The following ZNF536 variants were observed in gnomAD, a reference collection of about 807,000 sequenced individuals.
ZNF536 encodes the protein zinc finger protein 536.
ZNF536 carries 13 observed loss-of-function variants against 84.5 expected under a neutral mutation model. The observed-to-expected ratio is 0.15, with a 90% CI of 0.10 to 0.24. The LOEUF is 0.24. Among genes scored for constraint, ZNF536 ranks in the 10% least tolerant of loss-of-function variants. ZNF536 has a pLI of 1.00. For missense variants in ZNF536, 1,536 were observed against 1,747.5 expected, an observed-to-expected ratio of 0.88 and a Z score of 2.16; for synonymous variants, 811 against 742.5, an observed-to-expected ratio of 1.09 and a Z score of -1.50.
intron 1 of ZNF536, among the ~76,000 whole-genome samples, chr19:30,652,428 T>C (rs2049742835): frequency 6.6e-6 from 1 of 152,154 alleles, no homozygotes; most frequent in Non-Finnish European, 1.5e-5. Flanking sequence ...CTAAATGTCG[T>C]GAATGGAAGG....
chr19:30,654,409 AC>A (rs2049826567), intron 1 of ZNF536, among the ~76,000 whole-genome samples: 1 of 94,982 alleles, frequency 1.1e-5, no homozygotes, highest in South Asian at 3.3e-4. Context: ...ACCCCTCACC[AC>A]CCCCCTTATT....
intron 1 of ZNF536, among the ~76,000 whole-genome samples, chr19:30,229,698 C>T (rs756568842): frequency 2.6e-5 from 4 of 152,196 alleles, no homozygotes; most frequent in African/African-American, 9.6e-5. Flanking sequence ...ATTCTGATAG[C>T]GGAGTGCAAA....
intron 1 of ZNF536, among the ~76,000 whole-genome samples, chr19:30,414,883 G>T (rs1001763587): frequency 1.3e-5 from 2 of 152,002 alleles, no homozygotes; most frequent in Admixed American, 6.6e-5. Flanking sequence ...TAGAATTCTA[G>T]GTTTAAAATA....
At chr19:30,339,032 T>C (rs1330278237) in intron 2 of ZNF536, among the ~76,000 whole-genome samples, 1 of 152,122 alleles carries the variant, frequency 6.6e-6, no homozygotes. Context: ...TCCCCCGGGC[T>C]GTAAAGTTCC....
intron 1 of ZNF536, among the ~76,000 whole-genome samples, chr19:30,602,944 A>G (rs1359983971): frequency 2.6e-5 from 4 of 152,214 alleles, no homozygotes; most frequent in Non-Finnish European, 5.9e-5. Context: ...AGACTTCGGT[A>G]CCCATCCCCC....
chr19:30,443,063 C>G (rs1282849287), intron 1 of ZNF536, among the ~76,000 whole-genome samples: 1 of 141,006 alleles, frequency 7.1e-6, no homozygotes, highest in African/African-American at 2.6e-5. Context: ...TTTTTTTGGC[C>G]AAATCATAAA....
chr19:30,590,209 T>C (rs1298311605), intron 1 of ZNF536, among the ~76,000 whole-genome samples: 5 of 152,174 alleles, frequency 3.3e-5, no homozygotes, highest in African/African-American at 1.2e-4. Flanking sequence ...AGTGGAGGGA[T>C]ACTTGGTGGG....
intron 2 of ZNF536, among the ~76,000 whole-genome samples, chr19:30,349,005 C>T (rs934640605): frequency 2.0e-5 from 3 of 152,094 alleles, no homozygotes; most frequent in Non-Finnish European, 4.4e-5. Context: ...AAGAATGACA[C>T]AAAGGGAAGG....
intron 2 of ZNF536, among the ~76,000 whole-genome samples, chr19:30,449,897 G>A (rs918469308): frequency 1.3e-5 from 2 of 152,112 alleles, no homozygotes; most frequent in Admixed American, 1.3e-4. Flanking sequence ...TACATGGGGT[G>A]TATAGTGATA....
At chr19:30,516,625 C>T (rs556308646) in intron 2 of ZNF536, among the ~76,000 whole-genome samples, 342 of 152,288 alleles carry the variant, frequency 2.2e-3, no homozygotes, top group African/African-American at 7.7e-3. Context: ...GCCAGCCCTT[C>T]GCTCGGCTCT....
At chr19:30,659,005 T>C (rs2050020054) in intron 1 of ZNF536, among the ~76,000 whole-genome samples, 1 of 152,302 alleles carries the variant, frequency 6.6e-6, no homozygotes, top group South Asian at 2.1e-4. Flanking sequence ...GTGGGTCCAT[T>C]AGGGATGTTG....
At chr19:30,609,956 A>G (rs1599991616) in intron 1 of ZNF536, among the ~76,000 whole-genome samples, 3 of 151,984 alleles carry the variant, frequency 2.0e-5, no homozygotes, top group South Asian at 4.2e-4. Flanking sequence ...CCATCCATCC[A>G]TCCACTTATC....
intron 3 of ZNF536, among the ~76,000 whole-genome samples, chr19:30,359,671 C>G (rs149872894): frequency 1.3e-5 from 2 of 152,112 alleles, no homozygotes; most frequent in Non-Finnish European, 2.9e-5. Flanking sequence ...CAAGTTCCAT[C>G]CTTGTGGGCA....
At chr19:30,287,686 A>G (rs1241906188) in intron 2 of ZNF536, among the ~76,000 whole-genome samples, 3 of 126,568 alleles carry the variant, frequency 2.4e-5, no homozygotes, top group Non-Finnish European at 5.0e-5. Context: ...GGATGGATGG[A>G]TGGATGGATG....
intron 2 of ZNF536, among the ~76,000 whole-genome samples, chr19:30,468,971 C>G (rs2053524341): frequency 6.6e-6 from 1 of 152,110 alleles, no homozygotes; most frequent in South Asian, 2.1e-4. Context: ...CTCCAGGCCT[C>G]CTGGGGCTTT....
chr19:30,267,457 A>G (rs997895958), intron 1 of ZNF536, among the ~76,000 whole-genome samples: 10 of 152,160 alleles, frequency 6.6e-5, no homozygotes, highest in Admixed American at 1.3e-4. Context: ...CTTCTAGCAC[A>G]CGCAGAATAA....
chr19:30,323,549 G>C (rs990214046), intron 2 of ZNF536, among the ~76,000 whole-genome samples: 18 of 152,286 alleles, frequency 1.2e-4, no homozygotes, highest in African/African-American at 4.3e-4. Flanking sequence ...ATTCATTCCT[G>C]TTTAAAAAAT....
At chr19:30,675,437 C>T (rs1568660817) in intron 1 of ZNF536, among the ~76,000 whole-genome samples, 1 of 152,194 alleles carries the variant, frequency 6.6e-6, no homozygotes, top group Non-Finnish European at 1.5e-5. Flanking sequence ...AGACTCTTCT[C>T]CTGTGGACCT....
intron 1 of ZNF536, among the ~76,000 whole-genome samples, chr19:30,573,377 A>T (rs140020357): frequency 7.0e-4 from 106 of 152,258 alleles, no homozygotes; most frequent in African/African-American, 2.3e-3. Flanking sequence ...TCATTCTGCT[A>T]CCCTGGAATA....
Sources: gnomAD v4.1 joint callset for allele counts (sites outside exome capture counted in the v4.1 genomes callset) on GRCh38, gnomAD v4.1.1 for gene constraint, MANE v1.5 for transcripts, NCBI Gene and HGNC (gene_info 2026-07-23, HGNC 2026-07-21) for gene names.